The following SLC17A2 variants were observed in gnomAD, a reference collection of about 807,000 sequenced individuals.
SLC17A2 encodes the protein sodium-dependent phosphate transport protein 3.
A neutral mutation model predicts 52.1 loss-of-function variants in SLC17A2; 38 were observed. That is an observed-to-expected ratio of 0.73 (90% CI 0.56 to 0.96). The LOEUF is 0.96. Among genes scored for constraint, SLC17A2 ranks in the 40% least tolerant of loss-of-function variants. SLC17A2 has a pLI of 0.00. For missense variants in SLC17A2, 508 were observed against 583.9 expected (o/e 0.87, Z 1.34); for synonymous variants, 226 against 211.9 (o/e 1.07, Z -0.58).
Position 25,913,178 on chromosome 6 carries a change from T to C in SLC17A2, c.*139A>G, listed in dbSNP as rs2151539573. 1 of 900,120 alleles carries C rather than the reference T, an allele frequency of 1.1e-6. No homozygotes were observed. The highest frequency in any genetic ancestry group is 1.8e-6 in the Non-Finnish European group (1 of 567,620). 55.8% of individuals were successfully genotyped at this position (900,120 alleles called of 1,614,324 possible). Reference sequence around the variant, plus strand: ...GAGTGGGTCCCAAGTATCAGTGTCTTATAAAGGCTCCCCAGGGAAGACTAA... The same window carrying C: ...GAGTGGGTCCCAAGTATCAGTGTCTCATAAAGGCTCCCCAGGGAAGACTAA... On this transcript the variant is annotated 3_prime_UTR_variant, in exon 12 of 12. Transcript: ENST00000377850.
intron 6 of SLC17A2, 98 bp from the exon 7 acceptor site, chr6:25,917,185 T>A: frequency 1.2e-6 from 1 of 801,246 alleles, no homozygotes; most frequent in Non-Finnish European, 2.2e-6. Context: ...TACACACTAA[T>A]CAATTAATGC....
chr6:25,925,642 G>T, intron 2 of SLC17A2, 127 bp downstream of exon 2: 1 of 890,198 alleles, frequency 1.1e-6, no homozygotes, highest in Non-Finnish European at 1.9e-6. Flanking sequence ...ATCAGGGGCT[G>T]GAGCTGGCTC....
intron 3 of SLC17A2, among the ~76,000 whole-genome samples, chr6:25,921,801 CTT>C (rs1184733520): frequency 2.6e-5 from 4 of 152,064 alleles, no homozygotes; most frequent in Non-Finnish European, 5.9e-5. Context: ...TTACTGAACT[CTT>C]AACCAAAATC....
chr6:25,914,660 A>T lies in SLC17A2; in HGVS notation c.1222T>A (p.Phe408Ile), dbSNP rs1314355116. Residue 408 changes from phenylalanine to isoleucine, a missense_variant, in exon 11 of 12, where the codon TTC (phenylalanine) becomes ATC (isoleucine). By Grantham distance (21) the Phe-to-Ile change is conservative. Transcript: ENST00000377850. ...TLDIAPRYAS[F>I]LMGISRGFGL... The stretch of plus-strand genomic sequence containing the variant: ...AATCCCCTTGAGATTCCCATGAGGA[A>T]ACTTGCATATCTGTGGGAAGATGAT... 52 of 1,603,160 alleles carry T rather than the reference A, an allele frequency of 3.2e-5. No homozygotes were observed. The Admixed American group carries it at 8.5e-4, about 26-fold the overall frequency.
At chr6:25,920,115 A>C (rs906756907) in intron 5 of SLC17A2, among the ~76,000 whole-genome samples, 1 of 152,214 alleles carries the variant, frequency 6.6e-6, no homozygotes, top group Non-Finnish European at 1.5e-5. Flanking sequence ...GAGAGAGATC[A>C]GCAGATAGTA....
chr6:25,927,037 G>A (rs1766791675), intron 1 of SLC17A2, among the ~76,000 whole-genome samples: 1 of 152,224 alleles, frequency 6.6e-6, no homozygotes, highest in Non-Finnish European at 1.5e-5. Flanking sequence ...CTGCACTACA[G>A]CTTGGGGGAC....
At position 25,914,751 on chromosome 6, in the gene SLC17A2, C is replaced by G. The variant is rs192556043; in HGVS notation, c.1212-81G>C. 3.5e-5 allele frequency: 29 copies of G among 828,842 alleles called. No individual in the cohort carries two copies. The African/African-American group carries it at 4.9e-4, about 14-fold the overall frequency. 51.3% of individuals were successfully genotyped at this position (828,842 alleles called of 1,614,324 possible). A position where few individuals can be genotyped will look rare whatever the true frequency, so the allele number is the denominator to read the frequency against. On this transcript the variant is annotated intron_variant, in intron 10 of 11. Transcript: ENST00000377850. Reference sequence around the variant, plus strand: ...GCAGCAACTCAACTTTAATGCAATTCAGCTCTAATGGCAAAGTCATTTTGC... The same window carrying G: ...GCAGCAACTCAACTTTAATGCAATTGAGCTCTAATGGCAAAGTCATTTTGC...
rs1766151016 is a variant in SLC17A2, at chr6:25,912,780, A to T, written c.*537T>A. ...TTTATTTTAGCATGTAAATTTTAATAGAATTTAATCACATAAATAAACGTC... is the reference window on the plus strand; with the variant it reads ...TTTATTTTAGCATGTAAATTTTAATTGAATTTAATCACATAAATAAACGTC... On this transcript the variant is annotated 3_prime_UTR_variant, in exon 12 of 12. Transcript: ENST00000377850. 1 of 152,258 alleles carries T rather than the reference A, an allele frequency of 6.6e-6. No homozygotes were observed. The highest frequency in any genetic ancestry group is 6.5e-5 in the Admixed American group (1 of 15,276). The allele number at this position is 152,258 out of a possible 1,614,324, so 9.4% of individuals were successfully genotyped here. A position where few individuals can be genotyped will look rare whatever the true frequency, so the allele number is the denominator to read the frequency against.
In SLC17A2 at chr6:25,915,521, T is replaced by C; in HGVS notation, c.1189A>G (p.Asn397Asp). 6.4e-7 allele frequency: 1 copy of C among 1,557,218 alleles called. No individual in the cohort carries two copies. Among genetic ancestry groups the C allele is most frequent in the Non-Finnish European group, 8.7e-7 (1 of 1,150,730 alleles). ...SNLCDSGFIINTLDIAPRYAS... is the reference protein window; with the variant it reads ...SNLCDSGFIIDTLDIAPRYAS... The stretch of plus-strand genomic sequence containing the variant: ...TACCTGGGGGCGATATCTAAGGTGT[T>C]GATGATAAACCCTGAGTCACATAGG... The change falls in exon 10 of 12, where the codon AAC becomes GAC. Residue 397 changes from asparagine to aspartate, a missense_variant. By Grantham distance (23) the Asn-to-Asp change is conservative (BLOSUM62 1). Coordinates refer to ENST00000377850, the MANE Select transcript of SLC17A2 (RefSeq NM_001286123.3).
intron 2 of SLC17A2, among the ~76,000 whole-genome samples, chr6:25,924,581 G>C (rs1766686951): frequency 6.6e-6 from 1 of 151,896 alleles, no homozygotes; most frequent in Non-Finnish European, 1.5e-5. Context: ...GGCTAAGGCA[G>C]GTGGATCACT....
intron 1 of SLC17A2, among the ~76,000 whole-genome samples, chr6:25,929,272 G>A (rs1766868904): frequency 2.0e-5 from 3 of 152,170 alleles, no homozygotes; most frequent in African/African-American, 4.8e-5. Flanking sequence ...GGCTTTCACT[G>A]TTTCATAGGA....
chr6:25,916,754 C>A lies in SLC17A2; in HGVS notation c.861G>T (p.Trp287Cys). The A allele has an allele frequency of 6.2e-7, 1 of 1,613,914 alleles. No individual in the cohort carries two copies. Among genetic ancestry groups the A allele is most frequent in the Non-Finnish European group, 8.5e-7 (1 of 1,179,858 alleles). ...AIFLGFFSHF[W>C]LCTIILTYLP... ...GGTATGTTAGGATGATGGTGCACAACCAGAAATGGCTGAAAAAACCCAGGA... is the reference window on the plus strand; with the variant it reads ...GGTATGTTAGGATGATGGTGCACAAACAGAAATGGCTGAAAAAACCCAGGA... The change falls in exon 8 of 12, where the codon TGG becomes TGT. Residue 287 changes from tryptophan to cysteine, a missense_variant. Physicochemically the swap from Trp to Cys is radical, Grantham distance 215. Coordinates refer to ENST00000377850, the MANE Select transcript of SLC17A2 (RefSeq NM_001286123.3).
Position 25,913,793 on chromosome 6 carries a change from TTGC to T in SLC17A2, c.1303-345_1303-343del, listed in dbSNP as rs1262049106. On this transcript the variant is annotated intron_variant, in intron 11 of 11. Coordinates refer to ENST00000377850, the MANE Select transcript of SLC17A2 (RefSeq NM_001286123.3). ...TCTCTGTTTTTTTTTGTTGTTGTTG[TTGC>T]TGTTTGTTTTGTTTTTTTTTGTTTC... Among the ~76,000 whole-genome samples, 519 of 151,208 alleles carry T rather than the reference TTGC, an allele frequency of 3.4e-3. 3 individuals carry two copies. The highest frequency in any genetic ancestry group is 0.012 in the African/African-American group (477 of 41,186).
At chr6:25,921,514 T>C (rs955289869) in intron 3 of SLC17A2, 102 bp from the exon 4 acceptor site, 12 of 733,424 alleles carry the variant, frequency 1.6e-5, no homozygotes, top group South Asian at 1.9e-5. Context: ...GTATAAAATA[T>C]TGATTTTTGT....
chr6:25,917,164 C>G, intron 6 of SLC17A2, 77 bp from the exon 7 acceptor site: 1 of 956,962 alleles, frequency 1.0e-6, no homozygotes. Context: ...AAGTGGCATG[C>G]CTCTCCCTTC....
At chr6:25,929,420 A>G (rs1300221714) in intron 1 of SLC17A2, among the ~76,000 whole-genome samples, 2 of 152,264 alleles carry the variant, frequency 1.3e-5, no homozygotes, top group African/African-American at 4.8e-5. Flanking sequence ...AACAGTCACA[A>G]TATTGGCAGT....
intron 2 of SLC17A2, 24 bp from the exon 3 acceptor site, chr6:25,923,930 T>C (rs1540273): frequency 0.4 from 628,761 of 1,587,786 alleles, 129,645 homozygotes; most frequent in East Asian, 0.7. Context: ...CAGATGTATG[T>C]AGTGAGCATC....
intron 3 of SLC17A2, among the ~76,000 whole-genome samples, chr6:25,921,774 AAC>A (rs979546649): frequency 1.3e-4 from 20 of 152,228 alleles, no homozygotes; most frequent in African/African-American, 4.3e-4. Context: ...AATTTTTTAA[AAC>A]ACACACACAA....
intron 2 of SLC17A2, among the ~76,000 whole-genome samples, chr6:25,925,386 G>A (rs1377843147): frequency 6.6e-6 from 1 of 151,840 alleles, no homozygotes; most frequent in Non-Finnish European, 1.5e-5. Context: ...GGTGGTGTGT[G>A]CCTGTAGTCC....
Sources: gnomAD v4.1 joint callset for allele counts (sites outside exome capture counted in the v4.1 genomes callset) on GRCh38, gnomAD v4.1.1 for gene constraint, MANE v1.5 for transcripts, NCBI Gene and HGNC (gene_info 2026-07-23, HGNC 2026-07-21) for gene names.